Variants in SCAP observed in about 807,000 individuals in gnomAD.
SCAP encodes sterol regulatory element-binding protein cleavage-activating protein.
A neutral mutation model predicts 123.6 loss-of-function variants in SCAP; 65 were observed. The ratio of observed to expected loss-of-function variants is 0.53; its 90% CI spans 0.43 to 0.65. SCAP has a LOEUF of 0.65. Ranked by LOEUF, SCAP falls within the 30% of genes least tolerant of loss-of-function variation. The pLI is 0.00. For missense variants in SCAP, 1,398 were observed against 1,712.5 expected, an observed-to-expected ratio of 0.82 and a Z score of 3.24; for synonymous variants, 740 against 726.3, an observed-to-expected ratio of 1.02 and a Z score of -0.30.
rs1343752451 is a variant in SCAP at position 47,439,837 on chromosome 3, T to C, written c.122+3035A>G. 8.5e-5 allele frequency among the ~76,000 whole-genome samples: 13 copies of C among 152,220 alleles called. No individual in the cohort carries two copies. Among genetic ancestry groups the C allele is most frequent in the Non-Finnish European group, 2.9e-5 (2 of 68,042 alleles). ...GGCTCAGCACTGGGTTCATTTGAAG[T>C]AGTGTCCTTGGCTCTCAGTCACTGA... On this transcript the variant is annotated intron_variant, in intron 2 of 22. Transcript: ENST00000265565. This position sits in a 1 kb window ranked among gnomAD's most constrained non-coding sequence, Gnocchi z 4.0.
intron 1 of SCAP, among the ~76,000 whole-genome samples, chr3:47,458,321 C>G (rs1466003527): frequency 6.6e-6 from 1 of 151,876 alleles, no homozygotes; most frequent in African/African-American, 2.4e-5. Flanking sequence ...TCCAGCTACT[C>G]AGGAGGCTGA....
At chr3:47,447,755 C>A (rs556664669) in intron 1 of SCAP, among the ~76,000 whole-genome samples, 1 of 151,240 alleles carries the variant, frequency 6.6e-6, no homozygotes, top group South Asian at 2.1e-4. Flanking sequence ...GCCTGTAATC[C>A]CAGCACTTTG....
At chr3:47,438,631 T>C (rs1706678886) in intron 2 of SCAP, among the ~76,000 whole-genome samples, 1 of 151,912 alleles carries the variant, frequency 6.6e-6, no homozygotes, top group African/African-American at 2.4e-5. Context: ...CTGGCCAACA[T>C]GGTGAAACCC....
chr3:47,453,650 A>G (rs1286386871), intron 1 of SCAP, among the ~76,000 whole-genome samples: 2 of 151,968 alleles, frequency 1.3e-5, no homozygotes, highest in African/African-American at 2.4e-5. Flanking sequence ...ACTAATAACT[A>G]CTTTTACTAT....
At chr3:47,445,536 C>T (rs1223076516) in intron 1 of SCAP, among the ~76,000 whole-genome samples, 2 of 151,714 alleles carry the variant, frequency 1.3e-5, no homozygotes, top group East Asian at 1.9e-4. Flanking sequence ...TGAGCCACCA[C>T]GCCAGGCCAC....
Position 47,470,265 on chromosome 3 carries a change from TAAG to T in SCAP, c.-99+5531_-99+5533del, listed in dbSNP as rs932934790. Reference sequence around the variant, plus strand: ...GCCAATGGTTATATGTAGGCTCAGGTAAGAAGATTACTGCATCTGCTCAGTAAG... The same window carrying T: ...GCCAATGGTTATATGTAGGCTCAGGTAAGATTACTGCATCTGCTCAGTAAG... On this transcript the variant is annotated intron_variant, in intron 1 of 22. Transcript: ENST00000265565. Among the ~76,000 whole-genome samples the T allele has an allele frequency of 8.5e-5, 13 of 152,270 alleles. No homozygotes were observed. The East Asian group carries it at 1.7e-3, about 20-fold the overall frequency.
Position 47,419,630 on chromosome 3 carries a change from C to T in SCAP, c.1638G>A (p.Gln546=), listed in dbSNP as rs763821801. The T allele has an allele frequency of 6.3e-6, 10 of 1,579,324 alleles. No homozygotes were observed. The South Asian group carries it at 1.2e-4, about 18-fold the overall frequency. The change falls in exon 13 of 23, where the codon CAG becomes CAA. Residue 546 remains glutamine, a synonymous_variant. Coordinates refer to ENST00000265565, the MANE Select transcript of SCAP (RefSeq NM_012235.4). This position sits in a 1 kb window ranked among gnomAD's most constrained non-coding sequence, Gnocchi z 5.0. ...PAGLRNYLAA[Q]VTEQSPLGEG... ...CACCCAATGGGCTCTGTTCCGTCAC[C>T]TGGGCAGCGAGGTAGTTGCGCAGCC...
intron 13 of SCAP, 89 bp from the exon 14 acceptor site, chr3:47,418,932 A>C (rs1705770308): frequency 1.6e-5 from 22 of 1,340,138 alleles, no homozygotes; most frequent in Non-Finnish European, 2.2e-5. Context: ...CCTCCTCCCC[A>C]GGCAGGCCTC....
At chr3:47,468,052 C>T (rs908018772) in intron 1 of SCAP, among the ~76,000 whole-genome samples, 14 of 152,116 alleles carry the variant, frequency 9.2e-5, no homozygotes, top group Non-Finnish European at 1.9e-4. Flanking sequence ...CATGAACTCA[C>T]CTTTTTTTAT....
chr3:47,449,260 G>C (rs1351027958), intron 1 of SCAP, among the ~76,000 whole-genome samples: 1 of 63,682 alleles, frequency 1.6e-5, no homozygotes, highest in African/African-American at 4.5e-5. Flanking sequence ...TCAATTTGTT[G>C]AGCTCCTTCC....
chr3:47,468,612 G>C (rs1707921032), intron 1 of SCAP, among the ~76,000 whole-genome samples: 1 of 152,152 alleles, frequency 6.6e-6, no homozygotes. Context: ...GTAGATTCTG[G>C]ATATTAGCCC....
chr3:47,415,160 T>C lies in SCAP; in HGVS notation c.3077A>G (p.Asn1026Ser). The change falls in exon 19 of 23, where the codon AAC becomes AGC. Residue 1026 changes from asparagine (N) to serine (S), a missense_variant. Asn to Ser is a conservative substitution (Grantham distance 46, BLOSUM62 1). Around this residue, in one of 7 missense-constraint regions of SCAP, gnomAD observed 828 missense variants for 882.5 expected, o/e 0.94. Coordinates refer to ENST00000265565, the MANE Select transcript of SCAP (RefSeq NM_012235.4). ...LDKRIVAARL[N>S]GSLDFFSLET... is the part of the protein sequence containing the mutation. ...CAAGGAGAAGAAATCAAGGGAACCG[T>C]TGAGCCGTGCAGCCACAATCCTGGA... is the stretch of plus-strand genomic sequence containing the variant. 1 of 1,612,242 alleles carries C rather than the reference T, an allele frequency of 6.2e-7. No individual in the cohort carries two copies. The highest frequency in any genetic ancestry group is 1.1e-5 in the South Asian group (1 of 91,000).
chr3:47,473,210 G>A (rs1195114199), intron 1 of SCAP, among the ~76,000 whole-genome samples: 1 of 151,810 alleles, frequency 6.6e-6, no homozygotes, highest in Non-Finnish European at 1.5e-5. Flanking sequence ...GTGACCCAGG[G>A]CCAGTCAAAT....
intron 1 of SCAP, among the ~76,000 whole-genome samples, chr3:47,455,065 A>T (rs946554080): frequency 3.7e-3 from 12 of 3,284 alleles, no homozygotes; most frequent in African/African-American, 0.011. Context: ...AAAATTACAT[A>T]TATATATATA....
At chr3:47,467,069 G>T (rs1364927315) in intron 1 of SCAP, among the ~76,000 whole-genome samples, 1 of 151,462 alleles carries the variant, frequency 6.6e-6, no homozygotes, top group East Asian at 1.9e-4. Flanking sequence ...CTCCACCCTG[G>T]GTGACTGAGG....
chr3:47,463,269 C>G (rs189962543), intron 1 of SCAP, among the ~76,000 whole-genome samples: 2 of 152,266 alleles, frequency 1.3e-5, no homozygotes, highest in Non-Finnish European at 2.9e-5. Context: ...CCAACCTGAC[C>G]AACAATCATC....
chr3:47,418,151 C>T lies in SCAP; in HGVS notation c.2430G>A (p.Thr810=). The change falls in exon 16 of 23, where the codon ACG becomes ACA. Residue 810 remains threonine, a synonymous_variant. Coordinates refer to ENST00000265565, the MANE Select transcript of SCAP (RefSeq NM_012235.4). The part of the protein sequence containing the change: ...VWDAQTGDCL[T]RIPRPGRQRR... ...GCACCTACCCTGGGCGCGGAATGCG[C>T]GTTAGGCAATCCCCGGTCTGCGCGT... 7.0e-6 allele frequency: 11 copies of T among 1,566,782 alleles called. No homozygotes were observed. Among genetic ancestry groups the T allele is most frequent in the Non-Finnish European group, 8.6e-6 (10 of 1,156,512 alleles).
chr3:47,431,794 T>G (rs902580639), intron 3 of SCAP, among the ~76,000 whole-genome samples: 2 of 152,220 alleles, frequency 1.3e-5, no homozygotes, highest in Non-Finnish European at 2.9e-5. Context: ...GCTTCTTCAC[T>G]GTAAAGTTAC....
At chr3:47,472,573 C>T (rs987037715) in intron 1 of SCAP, among the ~76,000 whole-genome samples, 1 of 151,846 alleles carries the variant, frequency 6.6e-6, no homozygotes, top group African/African-American at 2.4e-5. Flanking sequence ...AACTTTGGAC[C>T]CCACTGCAAA....
Sources: gnomAD v4.1 joint callset for allele counts (sites outside exome capture counted in the v4.1 genomes callset) on GRCh38, gnomAD v4.1.1 for gene constraint, gnomAD v4.1.1 regional missense constraint, Gnocchi (gnomAD v3.1) non-coding constraint, MANE v1.5 for transcripts, NCBI Gene and HGNC (gene_info 2026-07-23, HGNC 2026-07-21) for gene names.